The following ZC3H12B variants were observed in gnomAD, a reference collection of about 807,000 sequenced individuals.
ZC3H12B encodes probable ribonuclease ZC3H12B.
Under a neutral mutation model 43.9 loss-of-function variants are expected in ZC3H12B, and 7 were observed. The ratio of observed to expected loss-of-function variants is 0.16; its 90% CI spans 0.09 to 0.30. ZC3H12B has a LOEUF of 0.30. Ranked by LOEUF, ZC3H12B falls within the 10% of genes least tolerant of loss-of-function variation. The probability of loss-of-function intolerance (pLI) is 1.00; values close to 1 mark genes in which losing one functional copy is unlikely to be tolerated. For missense variants in ZC3H12B, 475 were observed against 670.2 expected (o/e 0.71, Z 3.22); for synonymous variants, 222 against 241.7 (o/e 0.92, Z 0.76).
the ZC3H12B span, among the ~76,000 whole-genome samples, chrX:65,190,600 G>C: frequency 7.6e-4 from 81 of 106,406 alleles, no homozygotes; most frequent in Admixed American, 1.6e-3. Context: ...CTCTCTGTTT[G>C]TCTGTTGTTG....
chrX:65,192,320 A>T, the ZC3H12B span, among the ~76,000 whole-genome samples: 6 of 111,897 alleles, frequency 5.4e-5, no homozygotes, highest in African/African-American at 1.6e-4. Context: ...GACTTCTTCC[A>T]TTCCAATTTG....
chrX:65,145,736 T>A, the ZC3H12B span, among the ~76,000 whole-genome samples: 2 of 111,546 alleles, frequency 1.8e-5, no homozygotes. Context: ...TTTCCTTCAT[T>A]TATGAAGCTT....
the ZC3H12B span, among the ~76,000 whole-genome samples, chrX:65,349,851 G>A: frequency 3.6e-5 from 4 of 111,642 alleles, no homozygotes; most frequent in Non-Finnish European, 7.5e-5. Context: ...TAAAATTGAG[G>A]CATTAATTCA....
chrX:65,437,054 G>A (rs775670233), intron 3 of ZC3H12B, among the ~76,000 whole-genome samples: 3 of 110,665 alleles, frequency 2.7e-5, no homozygotes, highest in Non-Finnish European at 5.7e-5. Flanking sequence ...CTGGGTTCAA[G>A]CAATTCACCT....
chrX:65,153,999 A>G, the ZC3H12B span, among the ~76,000 whole-genome samples: 1 of 111,203 alleles, frequency 9.0e-6, no homozygotes, highest in Non-Finnish European at 1.9e-5. Flanking sequence ...CAAACACCGC[A>G]TATTCTCACT....
intron 2 of ZC3H12B, among the ~76,000 whole-genome samples, chrX:65,372,327 T>G (rs986685069): frequency 9.0e-6 from 1 of 111,484 alleles, no homozygotes; most frequent in Non-Finnish European, 1.9e-5. Context: ...CAAGTCCAAG[T>G]AAATGTAGGT....
intron 2 of ZC3H12B, among the ~76,000 whole-genome samples, chrX:65,378,135 A>G (rs758048815): frequency 4.5e-5 from 5 of 110,811 alleles, no homozygotes; most frequent in Non-Finnish European, 7.6e-5. Flanking sequence ...TACAATACTC[A>G]CTGATAATAA....
the ZC3H12B span, among the ~76,000 whole-genome samples, chrX:65,241,411 G>T: frequency 9.7e-6 from 1 of 103,186 alleles, no homozygotes. Flanking sequence ...CGGCAGGCTA[G>T]AACTGCCTAG....
intron 2 of ZC3H12B, among the ~76,000 whole-genome samples, chrX:65,373,097 C>A (rs2066270297): frequency 8.9e-6 from 1 of 111,758 alleles, no homozygotes; most frequent in South Asian, 3.7e-4. Context: ...TCAGGAATCC[C>A]TGTTCAACAG....
the ZC3H12B span, among the ~76,000 whole-genome samples, chrX:65,250,543 A>C: frequency 8.9e-6 from 1 of 111,991 alleles, no homozygotes; most frequent in Non-Finnish European, 1.9e-5. Flanking sequence ...ACTAGTTTAC[A>C]GTCCTACCAA....
the ZC3H12B span, among the ~76,000 whole-genome samples, chrX:65,146,132 G>T: frequency 6.3e-5 from 7 of 110,534 alleles, no homozygotes; most frequent in Non-Finnish European, 1.3e-4. Flanking sequence ...TTTTAGGTTT[G>T]GTCATTTAAC....
chrX:65,458,065 AAAAAAAAAAAAAAAAAAATT>A (rs1167735234), intron 3 of ZC3H12B, among the ~76,000 whole-genome samples: 4 of 86,052 alleles, frequency 4.6e-5, no homozygotes, highest in Non-Finnish European at 6.2e-5. Flanking sequence ...TGATCAATAA[AAAAAAAAAAAAAAAAAAATT>A]AAAAAAAAAA....
At chrX:65,392,462 G>A (rs1410290617) in intron 2 of ZC3H12B, among the ~76,000 whole-genome samples, 7 of 83,428 alleles carry the variant, frequency 8.4e-5, no homozygotes, top group Admixed American at 1.4e-4. Context: ...CAGCCGTCCC[G>A]TCTGGGAAGT....
chrX:65,455,976 A>C (rs1216374392), intron 3 of ZC3H12B, among the ~76,000 whole-genome samples: 1 of 112,047 alleles, frequency 8.9e-6, no homozygotes, highest in Admixed American at 9.5e-5. Context: ...TACTGAAGGA[A>C]GCATTAAACA....
At chrX:65,177,145 A>T in the ZC3H12B span, among the ~76,000 whole-genome samples, 1 of 112,411 alleles carries the variant, frequency 8.9e-6, no homozygotes, top group South Asian at 3.7e-4. Flanking sequence ...ATTAAACATA[A>T]TCCATCACAT....
At chrX:65,324,913 T>C in the ZC3H12B span, among the ~76,000 whole-genome samples, 3 of 110,895 alleles carry the variant, frequency 2.7e-5, no homozygotes, top group Non-Finnish European at 3.8e-5. Flanking sequence ...CCTACTCTTA[T>C]TGTATTGCAA....
At chrX:65,372,555 C>T (rs5964963) in intron 2 of ZC3H12B, among the ~76,000 whole-genome samples, 5,791 of 83,453 alleles carry the variant, frequency 0.069, 228 homozygotes, top group Admixed American at 0.11. Context: ...GAAAACATGT[C>T]AATTTGAATG....
At chrX:65,488,969 C>A (rs2068166133) in exon 1 of ZC3H12B, 1 of 1,209,122 alleles carries the variant, frequency 8.3e-7, no homozygotes, top group Non-Finnish European at 1.1e-6. Flanking sequence ...GTAGCGACAA[C>A]AGCAAGAGCT....
At chrX:65,201,825 A>T in the ZC3H12B span, among the ~76,000 whole-genome samples, 1 of 107,071 alleles carries the variant, frequency 9.3e-6, no homozygotes, top group African/African-American at 3.4e-5. Context: ...TAATTGAATC[A>T]TAGGGTTGGT....
Sources: gnomAD v4.1 joint callset for allele counts (sites outside exome capture counted in the v4.1 genomes callset) on GRCh38, gnomAD v4.1.1 for gene constraint, MANE v1.5 for transcripts, NCBI Gene and HGNC (gene_info 2026-07-23, HGNC 2026-07-21) for gene names.